HS6ST2: variants seen among roughly 807,000 people sequenced by gnomAD.
HS6ST2 encodes the protein heparan-sulfate 6-O-sulfotransferase 2.
In HS6ST2, 17 loss-of-function variants were observed where a neutral mutation model predicts 33.0. That is an observed-to-expected ratio of 0.52 (90% CI 0.35 to 0.77). The LOEUF (loss-of-function observed/expected upper bound fraction) is 0.77, where lower values mean the gene tolerates loss of function less well. Among genes scored for constraint, HS6ST2 ranks in the 30% least tolerant of loss-of-function variants. HS6ST2 has a pLI of 0.01. For missense variants in HS6ST2, 519 were observed against 551.7 expected, an observed-to-expected ratio of 0.94 and a Z score of 0.59; for synonymous variants, 248 against 237.1, an observed-to-expected ratio of 1.05 and a Z score of -0.42.
intron 2 of HS6ST2, among the ~76,000 whole-genome samples, chrX:132,849,407 T>A (rs1443870228): frequency 9.0e-6 from 1 of 111,698 alleles, no homozygotes; most frequent in Non-Finnish European, 1.9e-5. Flanking sequence ...CCTTTTCAAA[T>A]AAAAATCATT....
chrX:132,847,634 ATT>A (rs904772100), intron 2 of HS6ST2, among the ~76,000 whole-genome samples: 1 of 111,639 alleles, frequency 9.0e-6, no homozygotes, highest in African/African-American at 3.3e-5. Flanking sequence ...ACATCTGAAC[ATT>A]GTTAAGAGGA....
At chrX:132,641,813 C>A (rs2063603614) in intron 4 of HS6ST2, among the ~76,000 whole-genome samples, 1 of 112,913 alleles carries the variant, frequency 8.9e-6, no homozygotes, top group Admixed American at 9.3e-5. Flanking sequence ...AGGAGCACAA[C>A]TGGCCTGAAT....
At position 132,932,111 on chromosome X, in the gene HS6ST2, G is replaced by A. The variant is rs750942996; in HGVS notation, c.947+24697C>T. On this transcript the variant is annotated intron_variant, in intron 2 of 4. Transcript: ENST00000370833. The stretch of plus-strand genomic sequence containing the variant: ...TGAGGCAGGAGAATGGCGTGAACCC[G>A]GGAGGCGGAGCTTGCAGTGAACCGA... Among the ~76,000 whole-genome samples, 11 of 107,775 alleles carry A rather than the reference G, an allele frequency of 1.0e-4. No homozygotes were observed. In the East Asian group the frequency reaches 2.4e-3, roughly 23 times the overall value. The allele number at this position is 107,775 out of a possible 115,157, so 93.6% of individuals were successfully genotyped here. A position where few individuals can be genotyped will look rare whatever the true frequency, so the allele number is the denominator to read the frequency against.
intron 2 of HS6ST2, among the ~76,000 whole-genome samples, chrX:132,736,373 C>T (rs941324945): frequency 7.7e-4 from 86 of 112,170 alleles, no homozygotes; most frequent in African/African-American, 2.6e-3. Flanking sequence ...TGAAAACACA[C>T]ACATATAGCT....
In HS6ST2 at chrX:132,957,258, A is replaced by T; in HGVS notation, c.497T>A (p.Val166Glu). ...LALVMLFLFAVIVLQYVCPGT... is the reference protein window; with the variant it reads ...LALVMLFLFAEIVLQYVCPGT... ...GGGGCACACGTATTGGAGGACGATC[A>T]CGGCAAATAGGAAGAGCATCACCAA... Residue 166 changes from valine (V) to glutamate (E), a missense_variant, in exon 2 of 5, where the codon GTG (valine) becomes GAG (glutamate). Transcript: ENST00000370833. 1 of 1,193,517 alleles carries T rather than the reference A, an allele frequency of 8.4e-7. No homozygotes were observed. Among genetic ancestry groups the T allele is most frequent in the Admixed American group, 2.3e-5 (1 of 44,331 alleles).
At chrX:132,645,001 T>C (rs1309415571) in intron 4 of HS6ST2, among the ~76,000 whole-genome samples, 1 of 111,518 alleles carries the variant, frequency 9.0e-6, no homozygotes, top group Admixed American at 9.5e-5. Context: ...TTACTATTTC[T>C]TTGGTCCTTT....
intron 2 of HS6ST2, among the ~76,000 whole-genome samples, chrX:132,924,978 G>A (rs779517909): frequency 9.0e-5 from 10 of 111,474 alleles, no homozygotes; most frequent in Non-Finnish European, 1.7e-4. Flanking sequence ...CTACTCAGGA[G>A]GTGGAAGTGG....
intron 2 of HS6ST2, chrX:132,735,370 C>A (rs2064498357): frequency 1.8e-5 from 2 of 111,063 alleles, no homozygotes; most frequent in Non-Finnish European, 3.8e-5. Context: ...TGTTTCAGAG[C>A]CTTTTGGGCA....
rs747437045 is a variant in HS6ST2 at position 132,828,439 on chromosome X, T to C, written c.948-119945A>G. ...CAATGAAATAAAGACTGTGCATATC[T>C]TCTTGAGCCTGCCAATGTAAGGTGG... On this transcript the variant is annotated intron_variant, in intron 2 of 4. Coordinates refer to ENST00000370833, the MANE Select transcript of HS6ST2 (RefSeq NM_001394073.1). 1.4e-4 allele frequency among the ~76,000 whole-genome samples: 15 copies of C among 109,389 alleles called. No homozygotes were observed. The East Asian group carries it at 3.7e-3, about 27-fold the overall frequency. The allele number at this position is 109,389 out of a possible 115,157, so 95.0% of individuals were successfully genotyped here.
chrX:132,864,554 A>G (rs1191882515), intron 2 of HS6ST2, among the ~76,000 whole-genome samples: 3 of 109,408 alleles, frequency 2.7e-5, no homozygotes, highest in Non-Finnish European at 5.7e-5. Flanking sequence ...ATTGGAAAAA[A>G]AAAGAAAAGA....
chrX:132,667,154 T>A (rs1379104484), intron 4 of HS6ST2, among the ~76,000 whole-genome samples: 1 of 111,387 alleles, frequency 9.0e-6, no homozygotes, highest in Non-Finnish European at 1.9e-5. Flanking sequence ...AAATGTACAC[T>A]AATGGAAAAA....
chrX:132,925,371 T>C (rs1365483090), intron 2 of HS6ST2, among the ~76,000 whole-genome samples: 2 of 111,923 alleles, frequency 1.8e-5, no homozygotes, highest in African/African-American at 6.5e-5. Flanking sequence ...TAGCAAATTG[T>C]CAAACCCAAG....
At position 132,746,459 on chromosome X, in the gene HS6ST2, C is replaced by T. The variant is rs781228371; in HGVS notation, c.948-37965G>A. 5.1e-3 allele frequency among the ~76,000 whole-genome samples: 566 copies of T among 110,782 alleles called. 3 individuals are homozygous for T. Among genetic ancestry groups the T allele is most frequent in the African/African-American group, 0.017 (505 of 30,438 alleles). On this transcript the variant is annotated intron_variant, in intron 2 of 4. Coordinates refer to ENST00000370833, the MANE Select transcript of HS6ST2 (RefSeq NM_001394073.1). Reference sequence around the variant, plus strand: ...CAGAGCTTGCAGTGAGCCAAAATCGCGCCACTGCACTCCAGCAACAGAGCG... The same window carrying T: ...CAGAGCTTGCAGTGAGCCAAAATCGTGCCACTGCACTCCAGCAACAGAGCG...
chrX:132,960,484 G>A (rs1394954288), upstream of HS6ST2, among the ~76,000 whole-genome samples: 2 of 110,852 alleles, frequency 1.8e-5, no homozygotes, highest in Admixed American at 9.6e-5. Flanking sequence ...GCTAAACTAC[G>A]GAGTTTCTAC....
At chrX:132,805,760 G>A (rs1303080908) in intron 2 of HS6ST2, among the ~76,000 whole-genome samples, 3 of 110,132 alleles carry the variant, frequency 2.7e-5, no homozygotes, top group Non-Finnish European at 5.8e-5. Flanking sequence ...TTGTGTGCCC[G>A]GATGGCTGCA....
intron 2 of HS6ST2, among the ~76,000 whole-genome samples, chrX:132,799,627 C>A (rs1421086075): frequency 9.0e-6 from 1 of 110,952 alleles, no homozygotes; most frequent in African/African-American, 3.3e-5. Flanking sequence ...AGCAATCCAC[C>A]CACTTTAGCC....
intron 4 of HS6ST2, among the ~76,000 whole-genome samples, chrX:132,665,296 T>C (rs1242067760): frequency 9.0e-6 from 1 of 111,703 alleles, no homozygotes; most frequent in East Asian, 2.8e-4. Flanking sequence ...TGAAGTATCT[T>C]GCTCTCTGGG....
chrX:132,745,377 G>A lies in HS6ST2; in HGVS notation c.948-36883C>T, dbSNP rs749889799. On this transcript the variant is annotated intron_variant, in intron 2 of 4. Coordinates refer to ENST00000370833, the MANE Select transcript of HS6ST2 (RefSeq NM_001394073.1). ...TGGGATTACAGGCGTGAGCCACCGC[G>A]CCCAGCCCCGATAGTTTTTTTTTTA... 2.9e-4 allele frequency among the ~76,000 whole-genome samples: 33 copies of A among 111,900 alleles called. No homozygotes were observed. In the East Asian group the frequency reaches 3.1e-3, roughly 10 times the overall value.
intron 2 of HS6ST2, among the ~76,000 whole-genome samples, chrX:132,850,948 C>A (rs2065795855): frequency 8.9e-6 from 1 of 111,984 alleles, no homozygotes; most frequent in Admixed American, 9.5e-5. Context: ...GTTCTACTAA[C>A]CTAACATTTT....
Sources: allele counts gnomAD v4.1 joint callset (sites outside exome capture counted in the v4.1 genomes callset), GRCh38; gene constraint gnomAD v4.1.1; transcripts MANE v1.5; gene names NCBI Gene and HGNC (gene_info 2026-07-23, HGNC 2026-07-21).